Variants in PSG7 observed in about 807,000 individuals in gnomAD.
The protein encoded by PSG7 is pregnancy specific beta-1-glycoprotein 7.
In PSG7, 57 loss-of-function variants were observed where a neutral mutation model predicts 45.6. The ratio of observed to expected loss-of-function variants is 1.25; its 90% confidence interval spans 1.01 to 1.56. The LOEUF is 1.56. PSG7 is among the 40% of genes most tolerant of loss of function. The pLI is 0.00. For missense variants in PSG7, 796 were observed against 508.4 expected (o/e 1.57, Z -5.44); for synonymous variants, 298 against 194.4 (o/e 1.53, Z -4.43).
rs146684607 is a variant in PSG7, at chr19:42,935,454, C to T, written c.380G>A (p.Arg127Gln). The stretch of plus-strand genomic sequence containing the variant: ...AGTTACTCCTCCAGTCCCATCACCT[C>T]GCTTTATGATGTGTAAAGTGTAGGA... ...TGSYTLHIIK[R>Q]GDGTGGVTGR... Residue 127 changes from arginine to glutamine, a missense_variant, in exon 2 of 6, where the codon CGA (arginine) becomes CAA (glutamine). Transcript: ENST00000406070. The T allele has an allele frequency of 1.8e-4, 296 of 1,612,116 alleles. 9 individuals carry two copies. The African/African-American group carries it at 3.5e-3, about 19-fold the overall frequency.
Position 42,926,651 on chromosome 19 carries a change from T to G in PSG7, c.775A>C (p.Thr259Pro). 1 of 1,610,068 alleles carries G rather than the reference T, an allele frequency of 6.2e-7. No individual in the cohort carries two copies. The highest frequency in any genetic ancestry group is 8.5e-7 in the Non-Finnish European group (1 of 1,178,952). The change falls in exon 4 of 6, where the codon ACC becomes CCC. Residue 259 changes from threonine to proline, a missense_variant. Thr to Pro is a conservative substitution (Grantham distance 38). Transcript: ENST00000406070. ...TCACTCTTAGGTTCACAGGTGAAGG[T>G]TGAGACATCCTTATTCTCCCTGGGG... The part of the protein sequence containing the change: ...LNPRENKDVS[T>P]FTCEPKSENY...
rs781979601 is a variant in PSG7 at position 42,935,678 on chromosome 19, A to G, written c.156T>C (p.Leu52=). Reference sequence around the variant, plus strand: ...TCTGGGGCAAATTGTGGACAAGTAGAAGAACATCCTTCCCCTCGGAAACTT... The same window carrying G: ...TCTGGGGCAAATTGTGGACAAGTAGGAGAACATCCTTCCCCTCGGAAACTT... The part of the protein sequence containing the change: ...PPKVSEGKDV[L]LLVHNLPQNL... Residue 52 remains leucine (L), a synonymous_variant, in exon 2 of 6, where the codon CTT becomes CTC. Coordinates refer to ENST00000406070, the MANE Select transcript of PSG7 (RefSeq NM_002783.3). The G allele has an allele frequency of 1.4e-5, 22 of 1,612,126 alleles. No homozygotes were observed. In the African/African-American group the frequency reaches 2.0e-4, roughly 15 times the overall value.
At chr19:42,926,138 C>G in intron 4 of PSG7, 111 bp from the exon 5 acceptor site, 1 of 1,498,284 alleles carries the variant, frequency 6.7e-7, no homozygotes, top group Non-Finnish European at 9.0e-7. Context: ...CCTCAAGTGA[C>G]AGCCAAATCC....
rs200181302 is a variant in PSG7, at chr19:42,935,427, C to G, written c.407G>C (p.Gly136Ala). Residue 136 changes from glycine to alanine, a missense_variant, in exon 2 of 6, where the codon GGA becomes GCA. Physicochemically the swap from Gly to Ala is moderately conservative, Grantham distance 60. Coordinates refer to ENST00000406070, the MANE Select transcript of PSG7 (RefSeq NM_002783.3). The part of the protein sequence containing the change: ...KRGDGTGGVT[G>A]RFTFTLYLET... Reference sequence around the variant, plus strand: ...ACGGTATAAGGTGAAGGTGAAACGTCCAGTTACTCCTCCAGTCCCATCACC... The same window carrying G: ...ACGGTATAAGGTGAAGGTGAAACGTGCAGTTACTCCTCCAGTCCCATCACC... 7.4e-5 allele frequency: 119 copies of G among 1,611,910 alleles called. 1 individual carries two copies. The African/African-American group carries it at 1.3e-3, about 17-fold the overall frequency.
chr19:42,930,662 A>G (rs1398648526), intron 2 of PSG7, among the ~76,000 whole-genome samples: 1 of 151,658 alleles, frequency 6.6e-6, no homozygotes, highest in African/African-American at 2.4e-5. Flanking sequence ...TTCTCTCATT[A>G]GACATTCTAC....
chr19:42,936,915 G>T lies in PSG7; in HGVS notation c.64+98C>A, dbSNP rs1258355280. 3.2e-6 allele frequency: 5 copies of T among 1,538,874 alleles called. No individual in the cohort carries two copies. The East Asian group carries it at 1.1e-4, about 35-fold the overall frequency. ...ACCCACCTCAGCCTCCCAAAGTGCT[G>T]GCTTCTTTTATTTTTTAGAACCCCA... On this transcript the variant is annotated intron_variant, in intron 1 of 5. Coordinates refer to ENST00000406070, the MANE Select transcript of PSG7 (RefSeq NM_002783.3).
intron 2 of PSG7, among the ~76,000 whole-genome samples, chr19:42,934,525 G>A (rs956870169): frequency 4.6e-5 from 7 of 151,468 alleles, no homozygotes; most frequent in African/African-American, 1.5e-4. Flanking sequence ...AATGGCAAAT[G>A]GACTGTGGCT....
rs1306099577 is a variant in PSG7, at chr19:42,935,009, G to A, written c.430+395C>T. 4.0e-5 allele frequency among the ~76,000 whole-genome samples: 6 copies of A among 151,618 alleles called. No homozygotes were observed. The South Asian group carries it at 8.4e-4, about 21-fold the overall frequency. On this transcript the variant is annotated intron_variant, in intron 2 of 5. Coordinates refer to ENST00000406070, the MANE Select transcript of PSG7 (RefSeq NM_002783.3). Reference sequence around the variant, plus strand: ...TCTGGAGCAAGGATTTAGGGACAGGGGTCTGGGGTTGAGGCTTCTAGGGCT... The same window carrying A: ...TCTGGAGCAAGGATTTAGGGACAGGAGTCTGGGGTTGAGGCTTCTAGGGCT...
rs747844142 is a variant in PSG7 at position 42,926,118 on chromosome 19, C to T, written c.989-91G>A. On this transcript the variant is annotated intron_variant, in intron 4 of 5. Transcript: ENST00000406070. ...AAAGGGACAGAGTGACCCTCTGAGC[C>T]GAGACACACCCTCAAGTGACAGCCA... is the stretch of plus-strand genomic sequence containing the variant. 1.1e-4 allele frequency: 175 copies of T among 1,537,718 alleles called. 3 individuals are homozygous for T. Among genetic ancestry groups the T allele is most frequent in the East Asian group, 2.5e-4 (11 of 44,266 alleles).
At position 42,932,216 on chromosome 19, in the gene PSG7, G is replaced by A. The variant is rs145904922; in HGVS notation, c.431-2496C>T. On this transcript the variant is annotated intron_variant, in intron 2 of 5. Coordinates refer to ENST00000406070, the MANE Select transcript of PSG7 (RefSeq NM_002783.3). Reference sequence around the variant, plus strand: ...TTTTTTGTATTTTTAGTAGAGACGGGGTTTCACCATGTTAGCCAGGATGGT... The same window carrying A: ...TTTTTTGTATTTTTAGTAGAGACGGAGTTTCACCATGTTAGCCAGGATGGT... Among the ~76,000 whole-genome samples, 295 of 151,380 alleles carry A rather than the reference G, an allele frequency of 1.9e-3. 10 individuals are homozygous for A. Among genetic ancestry groups the A allele is most frequent in the African/African-American group, 7.0e-3 (287 of 41,216 alleles).
At chr19:42,932,657 T>C (rs1004654628) in intron 2 of PSG7, among the ~76,000 whole-genome samples, 2 of 151,576 alleles carry the variant, frequency 1.3e-5, no homozygotes, top group Admixed American at 6.6e-5. Flanking sequence ...TTCCTGGACA[T>C]AGGCCAGGCT....
At position 42,927,593 on chromosome 19, in the gene PSG7, G is replaced by A. The variant is rs989216106; in HGVS notation, c.710-877C>T. The A allele has an allele frequency of 6.6e-5, 10 of 151,726 alleles. 1 individual carries two copies. Among genetic ancestry groups the A allele is most frequent in the Admixed American group, 2.0e-4 (3 of 15,184 alleles). 9.4% of individuals were successfully genotyped at this position (151,726 alleles called of 1,614,324 possible). On this transcript the variant is annotated intron_variant, in intron 3 of 5. Transcript: ENST00000406070. ...AACTGCTGGAAATCTGGTCCTCATG[G>A]ACCATGTGTGTTTGATGGATATAAG...
intron 2 of PSG7, among the ~76,000 whole-genome samples, chr19:42,933,307 A>AT (rs397965905): frequency 0.03 from 405 of 13,482 alleles, 46 homozygotes; most frequent in East Asian, 0.063. Flanking sequence ...ATATATATAT[A>AT]TTTTTTTTTT....
At chr19:42,930,588 C>G (rs948505106) in intron 2 of PSG7, among the ~76,000 whole-genome samples, 1 of 151,720 alleles carries the variant, frequency 6.6e-6, no homozygotes, top group African/African-American at 2.4e-5. Context: ...AAGTCTGGTC[C>G]TCATGGACCA....
At position 42,926,102 on chromosome 19, in the gene PSG7, G is replaced by C. The variant is rs917401035; in HGVS notation, c.989-75C>G. The C allele has an allele frequency of 6.9e-5, 108 of 1,568,442 alleles. 2 individuals are homozygous for C. The highest frequency in any genetic ancestry group is 1.7e-4 in the South Asian group (14 of 83,206). ...ATGCTCCTGGTCTCTTAAAGGGACA[G>C]AGTGACCCTCTGAGCCGAGACACAC... On this transcript the variant is annotated intron_variant, in intron 4 of 5. Transcript: ENST00000406070.
chr19:42,929,349 A>G (rs1972964439), intron 3 of PSG7, 93 bp downstream of exon 3: 13 of 1,605,236 alleles, frequency 8.1e-6, no homozygotes, highest in Admixed American at 5.0e-5. Context: ...AAAGGTCTAC[A>G]TACTTGGACC....
At chr19:42,926,338 C>T in intron 4 of PSG7, 100 bp downstream of exon 4, 5 of 1,566,492 alleles carry the variant, frequency 3.2e-6, no homozygotes, top group East Asian at 2.2e-5. Context: ...TATGTCTATA[C>T]TTGGACCGGA....
intron 3 of PSG7, chr19:42,927,263 C>G: frequency 6.2e-6 from 1 of 161,856 alleles, no homozygotes; most frequent in Non-Finnish European, 1.4e-5. Flanking sequence ...CATAGTCAAG[C>G]CTGGAGGTCA....
At chr19:42,933,054 G>C (rs1484196790) in intron 2 of PSG7, among the ~76,000 whole-genome samples, 2 of 149,344 alleles carry the variant, frequency 1.3e-5, no homozygotes. Context: ...GCAGATTCAA[G>C]CACTAACAGA....
Sources: allele counts gnomAD v4.1 joint callset (sites outside exome capture counted in the v4.1 genomes callset), GRCh38; gene constraint gnomAD v4.1.1; transcripts MANE v1.5; gene names NCBI Gene and HGNC (gene_info 2026-07-23, HGNC 2026-07-21).